FHIT: variants seen among roughly 807,000 people sequenced by gnomAD.
The protein encoded by FHIT is fragile histidine triad diadenosine triphosphatase, also known as bis(5'-adenosyl)-triphosphatase.
A neutral mutation model predicts 17.9 loss-of-function variants in FHIT; 19 were observed. The observed-to-expected ratio is 1.06, with a 90% CI of 0.74 to 1.56. The LOEUF (loss-of-function observed/expected upper bound fraction) is 1.56. Among genes scored for constraint, FHIT ranks in the 40% most tolerant of loss-of-function variants. The pLI is 0.00. For synonymous variants in FHIT, 81 were observed against 69.7 expected, an observed-to-expected ratio of 1.16 and a Z score of -0.81; for missense variants, 248 against 189.2, an observed-to-expected ratio of 1.31 and a Z score of -1.82.
At chr3:60,844,287 T>C (rs919605433) in intron 3 of FHIT, among the ~76,000 whole-genome samples, 1 of 152,012 alleles carries the variant, frequency 6.6e-6, no homozygotes, top group Admixed American at 6.6e-5. Context: ...AAACAAGAAA[T>C]AAATCATGTA....
At chr3:60,282,303 T>G (rs980754312) in intron 5 of FHIT, among the ~76,000 whole-genome samples, 1 of 152,118 alleles carries the variant, frequency 6.6e-6, no homozygotes, top group South Asian at 2.1e-4. Context: ...AGAATACTAG[T>G]CTACAATTTT....
chr3:60,903,136 T>C (rs1553763619), intron 3 of FHIT, among the ~76,000 whole-genome samples: 2 of 152,092 alleles, frequency 1.3e-5, no homozygotes, highest in African/African-American at 4.8e-5. Context: ...AAAAATAAAA[T>C]GTATGATTAT....
At chr3:60,808,473 C>G (rs1701472247) in intron 4 of FHIT, among the ~76,000 whole-genome samples, 1 of 151,990 alleles carries the variant, frequency 6.6e-6, no homozygotes, top group Non-Finnish European at 1.5e-5. Flanking sequence ...GAGGCTCAAC[C>G]CCATATTATA....
At chr3:60,942,131 C>A (rs1169590242) in intron 3 of FHIT, among the ~76,000 whole-genome samples, 1 of 152,100 alleles carries the variant, frequency 6.6e-6, no homozygotes, top group Non-Finnish European at 1.5e-5. Flanking sequence ...TATAGGTGCC[C>A]ACAGCCATGC....
At chr3:60,878,861 T>G (rs1553757228) in intron 3 of FHIT, among the ~76,000 whole-genome samples, 1 of 152,232 alleles carries the variant, frequency 6.6e-6, no homozygotes, top group Non-Finnish European at 1.5e-5. Flanking sequence ...GGTGTATATG[T>G]GTCACATTTT....
intron 4 of FHIT, among the ~76,000 whole-genome samples, chr3:60,760,807 G>A (rs1553719635): frequency 1.3e-5 from 2 of 152,172 alleles, no homozygotes; most frequent in Non-Finnish European, 2.9e-5. Context: ...ATTCTATTCT[G>A]GGTAGGGAGA....
chr3:60,669,573 G>A (rs556516902), intron 4 of FHIT, among the ~76,000 whole-genome samples: 1 of 152,216 alleles, frequency 6.6e-6, no homozygotes, highest in African/African-American at 2.4e-5. Flanking sequence ...AGGGGAACAT[G>A]ATGAATTTTC....
intron 5 of FHIT, among the ~76,000 whole-genome samples, chr3:60,242,472 T>A (rs1476080740): frequency 6.6e-6 from 1 of 152,080 alleles, no homozygotes; most frequent in East Asian, 1.9e-4. Flanking sequence ...GTATGTATGT[T>A]TGCTTCTCCC....
At chr3:60,283,757 TA>T (rs1308876381) in intron 5 of FHIT, among the ~76,000 whole-genome samples, 1 of 152,024 alleles carries the variant, frequency 6.6e-6, no homozygotes, top group Non-Finnish European at 1.5e-5. Flanking sequence ...AAATTAAGTG[TA>T]AAAATGTATG....
intron 3 of FHIT, among the ~76,000 whole-genome samples, chr3:60,834,162 T>A (rs1001460694): frequency 2.6e-5 from 4 of 152,190 alleles, no homozygotes; most frequent in African/African-American, 4.8e-5. Flanking sequence ...GTATGATAAG[T>A]GCATGTTTAA....
chr3:60,801,460 G>C (rs1293645499), intron 4 of FHIT, among the ~76,000 whole-genome samples: 1 of 152,204 alleles, frequency 6.6e-6, no homozygotes, highest in Admixed American at 6.5e-5. Context: ...GATCTTTGGA[G>C]AATTAAATAA....
chr3:61,153,278 T>G (rs2037446901), intron 2 of FHIT, among the ~76,000 whole-genome samples: 1 of 152,212 alleles, frequency 6.6e-6, no homozygotes, highest in South Asian at 2.1e-4. Context: ...GTTGGCTTAA[T>G]GATAGCTTGG....
At chr3:59,849,491 C>T (rs550875752) in intron 8 of FHIT, among the ~76,000 whole-genome samples, 8 of 152,166 alleles carry the variant, frequency 5.3e-5, no homozygotes, top group Non-Finnish European at 1.2e-4. Flanking sequence ...ATCAAGACTT[C>T]AATCCGATTG....
At chr3:59,762,226 G>A (rs116805805) in intron 8 of FHIT, among the ~76,000 whole-genome samples, 2 of 152,110 alleles carry the variant, frequency 1.3e-5, no homozygotes, top group Non-Finnish European at 2.9e-5. Context: ...TCAGAACGTT[G>A]TACAATGAAA....
At chr3:61,079,015 T>C (rs1268228084) in intron 2 of FHIT, among the ~76,000 whole-genome samples, 1 of 152,178 alleles carries the variant, frequency 6.6e-6, no homozygotes, top group African/African-American at 2.4e-5. Context: ...AAAAAAAAGA[T>C]GGTCACATTC....
chr3:61,189,490 T>C (rs1402502351), intron 2 of FHIT, among the ~76,000 whole-genome samples: 1 of 152,024 alleles, frequency 6.6e-6, no homozygotes, highest in Non-Finnish European at 1.5e-5. Flanking sequence ...ATCAATATGG[T>C]GAAAATGGCC....
intron 4 of FHIT, among the ~76,000 whole-genome samples, chr3:60,656,348 T>A (rs1165126692): frequency 6.6e-6 from 1 of 152,200 alleles, no homozygotes; most frequent in Non-Finnish European, 1.5e-5. Flanking sequence ...ATAAGCTGCA[T>A]ACTTTGCCTG....
intron 4 of FHIT, among the ~76,000 whole-genome samples, chr3:60,634,810 T>TAA (rs1270031800): frequency 2.0e-5 from 3 of 152,256 alleles, no homozygotes; most frequent in African/African-American, 7.2e-5. Context: ...GACATGCATT[T>TAA]AAAAGTCACA....
chr3:60,765,070 C>T (rs1699802743), intron 4 of FHIT, among the ~76,000 whole-genome samples: 1 of 152,038 alleles, frequency 6.6e-6, no homozygotes, highest in African/African-American at 2.4e-5. Context: ...AGAGGAACTG[C>T]AAGATTTGAA....
Sources: allele counts gnomAD v4.1 joint callset (sites outside exome capture counted in the v4.1 genomes callset), GRCh38; gene constraint gnomAD v4.1.1; transcripts MANE v1.5; gene names NCBI Gene and HGNC (gene_info 2026-07-23, HGNC 2026-07-21).